The following CTNNA3 variants were observed in gnomAD, a reference collection of about 807,000 sequenced individuals.
CTNNA3 encodes the protein catenin alpha 3.
Under a neutral mutation model 95.7 loss-of-function variants are expected in CTNNA3, and 76 were observed. That is an observed-to-expected ratio of 0.79 (90% confidence interval 0.66 to 0.96). CTNNA3 has a LOEUF of 0.96. CTNNA3 is among the 40% of genes least tolerant of loss of function. The probability of loss-of-function intolerance (pLI) is 0.00; values close to 1 mark genes in which losing one functional copy is unlikely to be tolerated. For missense variants in CTNNA3, 1,191 were observed against 1,089.8 expected (o/e 1.09, Z -1.31); for synonymous variants, 431 against 374.4 (o/e 1.15, Z -1.74).
chr10:66,452,232 A>C lies in CTNNA3; in HGVS notation c.1531+68385T>G, dbSNP rs143374584. Among the ~76,000 whole-genome samples the C allele has an allele frequency of 3.8e-3, 577 of 152,266 alleles. 2 individuals are homozygous for C. The highest frequency in any genetic ancestry group is 0.015 in the South Asian group (71 of 4,822). On this transcript the variant is annotated intron_variant, in intron 11 of 17. Transcript: ENST00000433211. ...AATTGGCATTCTTTATATTCTATTC[A>C]TATCCCATTTATATTATTTCGTGTA...
intron 7 of CTNNA3, among the ~76,000 whole-genome samples, chr10:66,875,224 A>G (rs1844569644): frequency 6.6e-6 from 1 of 152,108 alleles, no homozygotes; most frequent in Non-Finnish European, 1.5e-5. Flanking sequence ...ATAGGAGAGG[A>G]GCAGGTTGAG....
intron 2 of CTNNA3, among the ~76,000 whole-genome samples, chr10:67,627,599 CTAAG>C (rs1839001080): frequency 6.6e-6 from 1 of 152,024 alleles, no homozygotes; most frequent in East Asian, 1.9e-4. Context: ...TGAGTCATTT[CTAAG>C]TAAGTTAAAA....
intron 5 of CTNNA3, among the ~76,000 whole-genome samples, chr10:67,477,328 C>T (rs558951284): frequency 7.2e-4 from 110 of 152,104 alleles, no homozygotes; most frequent in Middle Eastern, 3.4e-3. Context: ...CCCCGTATGG[C>T]CCCACCCATC....
At chr10:67,150,495 C>T (rs2132064630) in intron 7 of CTNNA3, among the ~76,000 whole-genome samples, 1 of 152,300 alleles carries the variant, frequency 6.6e-6, no homozygotes, top group Non-Finnish European at 1.5e-5. Context: ...AAATGCCCTT[C>T]ATTCCACAAA....
chr10:66,741,215 G>A (rs1849315760), intron 9 of CTNNA3, among the ~76,000 whole-genome samples: 1 of 152,128 alleles, frequency 6.6e-6, no homozygotes, highest in Admixed American at 6.6e-5. Flanking sequence ...TGAACTGAAA[G>A]TAAAGAAGGC....
chr10:66,165,215 T>C lies in CTNNA3; in HGVS notation c.1885-61966A>G, dbSNP rs969401712. On this transcript the variant is annotated intron_variant, in intron 13 of 17. Coordinates refer to ENST00000433211, the MANE Select transcript of CTNNA3 (RefSeq NM_013266.4). Reference sequence around the variant, plus strand: ...TCACTTAAAAGTGAGAGCTAAATAATAGGTTTCATACAGCTAAAGAATGGG... The same window carrying C: ...TCACTTAAAAGTGAGAGCTAAATAACAGGTTTCATACAGCTAAAGAATGGG... 3.6e-4 allele frequency among the ~76,000 whole-genome samples: 54 copies of C among 152,022 alleles called. 1 individual carries two copies. Among genetic ancestry groups the C allele is most frequent in the Non-Finnish European group, 7.4e-5 (5 of 68,010 alleles).
intron 11 of CTNNA3, among the ~76,000 whole-genome samples, chr10:66,460,710 G>C (rs2093523737): frequency 1.3e-5 from 2 of 152,074 alleles, no homozygotes; most frequent in African/African-American, 4.8e-5. Flanking sequence ...AAAATCTCTG[G>C]TATCATCTCT....
intron 10 of CTNNA3, among the ~76,000 whole-genome samples, chr10:66,528,929 G>A (rs554435470): frequency 6.0e-4 from 91 of 151,884 alleles, no homozygotes; most frequent in African/African-American, 2.1e-3. Context: ...GTTTTATGAG[G>A]GTGTATCTGA....
At chr10:66,556,162 A>G (rs1484874636) in intron 10 of CTNNA3, among the ~76,000 whole-genome samples, 1 of 151,976 alleles carries the variant, frequency 6.6e-6, no homozygotes, top group Non-Finnish European at 1.5e-5. Context: ...CCACAATGAG[A>G]TGATATCTCA....
In CTNNA3 at chr10:66,090,252, AT is replaced by A. The variant is rs2081164204; in HGVS notation, c.1977+12904del. Among the ~76,000 whole-genome samples the A allele has an allele frequency of 1.3e-5, 2 of 152,014 alleles. 1 individual carries two copies. Among genetic ancestry groups the A allele is most frequent in the South Asian group, 4.1e-4 (2 of 4,836 alleles). On this transcript the variant is annotated intron_variant, in intron 14 of 17. Transcript: ENST00000433211. ...GGAGGAAATTTATTTAGCTTGGCCA[AT>A]CAGGCTGGCTCTCCCCAGAAACCCT... is the stretch of plus-strand genomic sequence containing the variant.
rs758156483 is a variant in CTNNA3, at chr10:66,103,256, A to G, written c.1885-7T>C. The G allele has an allele frequency of 1.2e-6, 2 of 1,608,890 alleles. No homozygotes were observed. The highest frequency in any genetic ancestry group is 1.7e-5 in the Admixed American group (1 of 60,016). On this transcript the variant is annotated splice_polypyrimidine_tract_variant and splice_region_variant and intron_variant, in intron 13 of 17. Coordinates refer to ENST00000433211, the MANE Select transcript of CTNNA3 (RefSeq NM_013266.4). Reference sequence around the variant, plus strand: ...CCTCCAGTTCCTCTGGGGTCTATAAAAAGAAAGCAAAACATTGCTAGTGGG... The same window carrying G: ...CCTCCAGTTCCTCTGGGGTCTATAAGAAGAAAGCAAAACATTGCTAGTGGG...
At chr10:67,582,590 C>T (rs567977941) in intron 3 of CTNNA3, among the ~76,000 whole-genome samples, 2,057 of 152,124 alleles carry the variant, frequency 0.014, 55 homozygotes, top group African/African-American at 0.047. Flanking sequence ...TGATGCAGAG[C>T]TGAGTTCAAT....
At chr10:66,889,499 A>G (rs1373662312) in intron 7 of CTNNA3, among the ~76,000 whole-genome samples, 1 of 152,164 alleles carries the variant, frequency 6.6e-6, no homozygotes. Flanking sequence ...TCTATCTTCC[A>G]TTCGATTTTG....
At chr10:67,046,392 C>T (rs1297139582) in intron 7 of CTNNA3, among the ~76,000 whole-genome samples, 1 of 152,170 alleles carries the variant, frequency 6.6e-6, no homozygotes, top group Non-Finnish European at 1.5e-5. Flanking sequence ...GTTATCTCTA[C>T]CAGAGTAACT....
chr10:67,118,037 G>T (rs555748688), intron 7 of CTNNA3, among the ~76,000 whole-genome samples: 2 of 152,084 alleles, frequency 1.3e-5, no homozygotes, highest in East Asian at 3.9e-4. Flanking sequence ...AATTACCCAA[G>T]TTTTCTTAGC....
chr10:66,679,166 G>A (rs1312584388), intron 9 of CTNNA3, among the ~76,000 whole-genome samples: 1 of 152,102 alleles, frequency 6.6e-6, no homozygotes, highest in Non-Finnish European at 1.5e-5. Context: ...GAGAAATCAT[G>A]AAATCCTAGA....
chr10:66,255,529 C>T (rs529891591), intron 13 of CTNNA3, among the ~76,000 whole-genome samples: 39 of 152,174 alleles, frequency 2.6e-4, no homozygotes, highest in African/African-American at 8.2e-4. Context: ...CTTCTCTACC[C>T]GATTCTGATG....
chr10:66,938,508 A>T (rs560045739), intron 7 of CTNNA3, among the ~76,000 whole-genome samples: 5 of 152,320 alleles, frequency 3.3e-5, no homozygotes. Context: ...AGCGAAATGG[A>T]TAATCCTAAA....
At chr10:67,367,970 C>A (rs1379673888) in intron 5 of CTNNA3, among the ~76,000 whole-genome samples, 1 of 152,006 alleles carries the variant, frequency 6.6e-6, no homozygotes, top group East Asian at 1.9e-4. Context: ...TTAATTGTAT[C>A]CCAAATCTCA....
Sources: gnomAD v4.1 joint callset for allele counts (sites outside exome capture counted in the v4.1 genomes callset) on GRCh38, gnomAD v4.1.1 for gene constraint, MANE v1.5 for transcripts, NCBI Gene and HGNC (gene_info 2026-07-23, HGNC 2026-07-21) for gene names.